NKAIN3: variants seen among roughly 807,000 people sequenced by gnomAD.
NKAIN3 encodes the protein sodium/potassium-transporting ATPase subunit beta-1-interacting protein 3.
A neutral mutation model predicts 30.2 loss-of-function variants in NKAIN3; 25 were observed. The observed-to-expected ratio is 0.83, with a 90% CI of 0.60 to 1.16. The LOEUF (loss-of-function observed/expected upper bound fraction) is 1.16, where lower values mean the gene tolerates loss of function less well. Among genes scored for constraint, NKAIN3 ranks in the 50% most tolerant of loss-of-function variants. The probability of loss-of-function intolerance (pLI) is 0.00; values close to 1 mark genes in which losing one functional copy is unlikely to be tolerated. For synonymous variants in NKAIN3, 91 were observed against 89.6 expected (o/e 1.02, Z -0.09); for missense variants, 225 against 254.1 (o/e 0.89, Z 0.78).
chr8:62,575,071 T>C (rs1489628574), intron 1 of NKAIN3, among the ~76,000 whole-genome samples: 1 of 152,090 alleles, frequency 6.6e-6, no homozygotes, highest in Non-Finnish European at 1.5e-5. Context: ...TCAACAAGCA[T>C]GCCCACTTTC....
intron 4 of NKAIN3, among the ~76,000 whole-genome samples, chr8:62,811,845 AG>A (rs1247845178): frequency 1.3e-5 from 2 of 151,938 alleles, no homozygotes; most frequent in Non-Finnish European, 2.9e-5. Context: ...TCCTCTTAAT[AG>A]GGTCTTTCCC....
chr8:62,623,703 A>C (rs1811694788), intron 3 of NKAIN3, among the ~76,000 whole-genome samples: 1 of 152,084 alleles, frequency 6.6e-6, no homozygotes, highest in Admixed American at 6.6e-5. Flanking sequence ...TTGTATAAGA[A>C]ACGTTTTATT....
chr8:62,953,835 AT>A (rs1467285554), intron 5 of NKAIN3, 66 bp from the exon 6 acceptor site: 1 of 372,500 alleles, frequency 2.7e-6, no homozygotes, highest in East Asian at 1.6e-4. Flanking sequence ...TATGCATTCT[AT>A]TTTAAACATT....
rs565404348 is a variant in NKAIN3 at position 62,350,029 on chromosome 8, G to A, written c.54+100902G>A. On this transcript the variant is annotated intron_variant, in intron 1 of 6. Coordinates refer to ENST00000623646, the MANE Select transcript of NKAIN3 (RefSeq NM_001304533.3). ...ACTCTTGTGCATAGCTGATGGGAAT[G>A]TAAAATGGTGCAGCCACTGTGAAAA... is the stretch of plus-strand genomic sequence containing the variant. Among the ~76,000 whole-genome samples the A allele has an allele frequency of 1.8e-4, 27 of 152,332 alleles. No homozygotes were observed. The South Asian group carries it at 5.4e-3, about 30-fold the overall frequency.
At chr8:62,886,723 G>T (rs1318866482) in intron 4 of NKAIN3, among the ~76,000 whole-genome samples, 3 of 152,064 alleles carry the variant, frequency 2.0e-5, no homozygotes, top group African/African-American at 7.2e-5. Context: ...TGTTACACAG[G>T]TATACCATAG....
intron 1 of NKAIN3, among the ~76,000 whole-genome samples, chr8:62,296,696 G>GA (rs1813841872): frequency 6.6e-6 from 1 of 152,116 alleles, no homozygotes; most frequent in Non-Finnish European, 1.5e-5. Context: ...TGTATTGAGA[G>GA]GAAAAAAATA....
Position 62,965,628 on chromosome 8 carries a change from A to AG in NKAIN3, c.*221_*222insG, listed in dbSNP as rs920485283. The AG allele has an allele frequency of 2.0e-6, 2 of 976,884 alleles. No homozygotes were observed. The highest frequency in any genetic ancestry group is 1.2e-6 in the Non-Finnish European group (1 of 822,784). The allele number at this position is 976,884 out of a possible 1,614,324, so 60.5% of individuals were successfully genotyped here. ...TGAACACTTGTAAGTTGTAAAAAAAAAAAAAAAAGAAAAAACAGAATTTGG... is the reference window on the plus strand; with the variant it reads ...TGAACACTTGTAAGTTGTAAAAAAAAGAAAAAAAAGAAAAAACAGAATTTGG... On this transcript the variant is annotated 3_prime_UTR_variant, in exon 7 of 7. Coordinates refer to ENST00000623646, the MANE Select transcript of NKAIN3 (RefSeq NM_001304533.3).
intron 1 of NKAIN3, among the ~76,000 whole-genome samples, chr8:62,309,711 T>C (rs1467984908): frequency 6.7e-6 from 1 of 150,374 alleles, no homozygotes; most frequent in Non-Finnish European, 1.5e-5. Context: ...ATTATTCAGA[T>C]TTTTTGTACT....
chr8:62,735,812 T>A (rs1178513993), intron 3 of NKAIN3, among the ~76,000 whole-genome samples: 1 of 150,964 alleles, frequency 6.6e-6, no homozygotes, highest in Non-Finnish European at 1.5e-5. Context: ...CTGTTCAGAT[T>A]GTTTTGTCCC....
intron 3 of NKAIN3, among the ~76,000 whole-genome samples, chr8:62,685,503 C>T (rs1325728671): frequency 2.0e-5 from 3 of 152,168 alleles, no homozygotes; most frequent in African/African-American, 4.8e-5. Context: ...TAATCAATAA[C>T]AATCATTTTA....
At chr8:62,956,823 G>A (rs1042100009) in intron 6 of NKAIN3, among the ~76,000 whole-genome samples, 3 of 148,630 alleles carry the variant, frequency 2.0e-5, no homozygotes, top group African/African-American at 7.4e-5. Flanking sequence ...ATCTAGGAGG[G>A]GAGATCTACA....
chr8:62,473,649 C>G (rs556059279), intron 1 of NKAIN3, among the ~76,000 whole-genome samples: 1 of 152,124 alleles, frequency 6.6e-6, no homozygotes, highest in Non-Finnish European at 1.5e-5. Flanking sequence ...CATTCAGAAC[C>G]CTTAGGGATT....
chr8:62,823,908 C>T (rs191661073), intron 4 of NKAIN3, among the ~76,000 whole-genome samples: 87 of 152,194 alleles, frequency 5.7e-4, no homozygotes, highest in African/African-American at 1.9e-3. Context: ...GAAACAAGCT[C>T]GCTGGTGGAA....
At chr8:62,307,244 T>C (rs910318599) in intron 1 of NKAIN3, among the ~76,000 whole-genome samples, 2 of 145,118 alleles carry the variant, frequency 1.4e-5, no homozygotes, top group African/African-American at 5.5e-5. Context: ...TGTCCCCTTA[T>C]AGTTTAATTC....
intron 1 of NKAIN3, among the ~76,000 whole-genome samples, chr8:62,261,108 C>T (rs1429489494): frequency 2.0e-5 from 3 of 152,052 alleles, no homozygotes; most frequent in Non-Finnish European, 2.9e-5. Context: ...CTTCATAAGG[C>T]CAGTTTTTTT....
At chr8:62,259,441 T>G (rs879663611) in intron 1 of NKAIN3, among the ~76,000 whole-genome samples, 1 of 152,152 alleles carries the variant, frequency 6.6e-6, no homozygotes, top group Non-Finnish European at 1.5e-5. Context: ...TAATCCCCAT[T>G]AAAACTAATT....
At chr8:62,822,534 A>G (rs752450834) in intron 4 of NKAIN3, among the ~76,000 whole-genome samples, 1 of 152,186 alleles carries the variant, frequency 6.6e-6, no homozygotes, top group African/African-American at 2.4e-5. Context: ...GATCTAAGTA[A>G]GGACAATACA....
intron 4 of NKAIN3, among the ~76,000 whole-genome samples, chr8:62,906,395 A>C (rs1001893293): frequency 6.6e-6 from 1 of 152,222 alleles, no homozygotes; most frequent in East Asian, 1.9e-4. Flanking sequence ...TGCACAGAGC[A>C]GTGTGTCAGT....
intron 4 of NKAIN3, among the ~76,000 whole-genome samples, chr8:62,908,686 C>T (rs1233789950): frequency 6.6e-6 from 1 of 152,192 alleles, no homozygotes; most frequent in East Asian, 1.9e-4. Context: ...CATGACTTTT[C>T]CCCACCTTTG....
Sources: gnomAD v4.1 joint callset for allele counts (sites outside exome capture counted in the v4.1 genomes callset) on GRCh38, gnomAD v4.1.1 for gene constraint, MANE v1.5 for transcripts, NCBI Gene and HGNC (gene_info 2026-07-23, HGNC 2026-07-21) for gene names.